Variants in ADCY6 observed in about 807,000 individuals in gnomAD.
ADCY6 encodes the protein adenylate cyclase type 6.
ADCY6 carries 59 observed loss-of-function variants against 111.6 expected under a neutral mutation model. That is an observed-to-expected ratio of 0.53 (90% confidence interval 0.43 to 0.66). The LOEUF (loss-of-function observed/expected upper bound fraction) is 0.66. Ranked by LOEUF, ADCY6 falls within the 30% of genes least tolerant of loss-of-function variation. ADCY6 has a pLI of 0.00. For missense variants in ADCY6, 1,242 were observed against 1,595.6 expected, an observed-to-expected ratio of 0.78 and a Z score of 3.78; for synonymous variants, 576 against 642.9, an observed-to-expected ratio of 0.90 and a Z score of 1.57.
chr12:48,778,395 G>T, intron 2 of ADCY6, 138 bp from the exon 3 acceptor site: 2 of 993,460 alleles, frequency 2.0e-6, no homozygotes, highest in Non-Finnish European at 3.0e-6. Context: ...CCAAGCCACT[G>T]CCACCCCTGC....
chr12:48,783,281 G>A lies in ADCY6; in HGVS notation c.154C>T (p.Pro52Ser), dbSNP rs1941903367. 2 of 1,612,258 alleles carry A rather than the reference G, an allele frequency of 1.2e-6. No homozygotes were observed. The highest frequency in any genetic ancestry group is 1.7e-6 in the Non-Finnish European group (2 of 1,179,520). ...RYMSCLRDAE[P>S]PSPTPAGPPR... Reference sequence around the variant, plus strand: ...GGGCCCGCAGGGGTGGGGCTGGGTGGCTCTGCATCCCGGAGGCAGCTCATA... The same window carrying A: ...GGGCCCGCAGGGGTGGGGCTGGGTGACTCTGCATCCCGGAGGCAGCTCATA... The change falls in exon 2 of 22, where the codon CCA becomes TCA. Residue 52 changes from proline (P) to serine (S), a missense_variant. Physicochemically the swap from Pro to Ser is moderately conservative, Grantham distance 74. Transcript: ENST00000357869.
In ADCY6 at chr12:48,774,071, T is replaced by G; in HGVS notation, c.2311A>C (p.Ser771Arg). 1 of 1,611,102 alleles carries G rather than the reference T, an allele frequency of 6.2e-7. No homozygotes were observed. The highest frequency in any genetic ancestry group is 8.5e-7 in the Non-Finnish European group (1 of 1,178,544). Residue 771 changes from serine (S) to arginine (R), a missense_variant, in exon 15 of 22, where the codon AGC becomes CGC. This residue lies in a region of ADCY6 where 375 missense variants were observed against 432.5 expected (regional missense o/e 0.87). Coordinates refer to ENST00000357869, the MANE Select transcript of ADCY6 (RefSeq NM_015270.5). ...MFTCNHTPIR[S>R]CAARMLNLTP... ...AAATTCAGCATCCGGGCTGCACAGC[T>G]CCGTATGGGGGTGTGGTTACAGGTG... is the stretch of plus-strand genomic sequence containing the variant.
rs1025892881 is a variant in ADCY6, at chr12:48,771,060, C to T, written c.3052-90G>A. On this transcript the variant is annotated intron_variant, in intron 19 of 21. Coordinates refer to ENST00000357869, the MANE Select transcript of ADCY6 (RefSeq NM_015270.5). This position sits in a 1 kb window ranked among gnomAD's most constrained non-coding sequence, Gnocchi z 4.3. The stretch of plus-strand genomic sequence containing the variant: ...TCATTTCTTGCCACGCCTTGGCTGC[C>T]TTCCCCACTTCCCTGTCTCAAGAGC... 2.4e-6 allele frequency: 3 copies of T among 1,258,486 alleles called. No homozygotes were observed. In the African/African-American group the frequency reaches 4.4e-5, roughly 19 times the overall value. The allele number at this position is 1,258,486 out of a possible 1,614,324, so 78.0% of individuals were successfully genotyped here.
In ADCY6 at chr12:48,768,703, A is replaced by G; in HGVS notation, c.3395T>C (p.Leu1132Pro). ...GCCCTTGGCAGCTAGAACCTGGTACAGGTCCGTGGTCACCTGGGGGAGTGG... is the reference window on the plus strand; with the variant it reads ...GCCCTTGGCAGCTAGAACCTGGTACGGGTCCGTGGTCACCTGGGGGAGTGG... Reference protein sequence around the residue: ...VPDRIQVTTDLYQVLAAKGYQ... With the variant: ...VPDRIQVTTDPYQVLAAKGYQ... Residue 1132 changes from leucine (L) to proline (P), a missense_variant, in exon 22 of 22, where the codon CTG becomes CCG. Leu to Pro is a moderately conservative substitution (Grantham distance 98, BLOSUM62 -3). Coordinates refer to ENST00000357869, the MANE Select transcript of ADCY6 (RefSeq NM_015270.5). 6.2e-7 allele frequency: 1 copy of G among 1,614,012 alleles called. No homozygotes were observed. The highest frequency in any genetic ancestry group is 8.5e-7 in the Non-Finnish European group (1 of 1,179,890).
Position 48,777,886 on chromosome 12 carries a change from GC to G in ADCY6, c.1015-151del. 1.5e-6 allele frequency: 2 copies of G among 1,349,732 alleles called. No homozygotes were observed. Among genetic ancestry groups the G allele is most frequent in the Non-Finnish European group, 2.0e-6 (2 of 997,760 alleles). 83.6% of individuals were successfully genotyped at this position (1,349,732 alleles called of 1,614,324 possible). A position where few individuals can be genotyped will look rare whatever the true frequency, so the allele number is the denominator to read the frequency against. ...TGTGGCCTGACCTTCCCCCATCAGA[GC>G]CCCCTCTGACCACCCTCCATTGAGC... On this transcript the variant is annotated intron_variant, in intron 3 of 21. Coordinates refer to ENST00000357869, the MANE Select transcript of ADCY6 (RefSeq NM_015270.5). This position sits in a 1 kb window ranked among gnomAD's most constrained non-coding sequence, Gnocchi z 4.9.
At position 48,766,395 on chromosome 12, in the gene ADCY6, T is replaced by A; in HGVS notation, c.*2196A>T. 1 of 152,594 alleles carries A rather than the reference T, an allele frequency of 6.6e-6. No individual in the cohort carries two copies. Among genetic ancestry groups the A allele is most frequent in the East Asian group, 1.9e-4 (1 of 5,160 alleles). The allele number at this position is 152,594 out of a possible 1,614,324, so 9.5% of individuals were successfully genotyped here. A position where few individuals can be genotyped will look rare whatever the true frequency, so the allele number is the denominator to read the frequency against. On this transcript the variant is annotated 3_prime_UTR_variant, in exon 22 of 22. Transcript: ENST00000357869. ...GGGAAGGGCATGGCTGGCACTGTGG[T>A]ACGGGGATCCAGGGTGTGGACAGGC... is the stretch of plus-strand genomic sequence containing the variant.
At chr12:48,770,430 G>A (rs539090625) in intron 20 of ADCY6, among the ~76,000 whole-genome samples, 2 of 152,178 alleles carry the variant, frequency 1.3e-5, no homozygotes, top group Admixed American at 1.3e-4. Context: ...CACAGATAAG[G>A]ACAGAAGTAT....
In ADCY6 at chr12:48,771,586, T is replaced by C. The variant is rs1050804189; in HGVS notation, c.3051+124A>G. On this transcript the variant is annotated intron_variant, in intron 19 of 21. Transcript: ENST00000357869. The surrounding 1 kb of genome is among the most constrained non-coding windows in gnomAD (Gnocchi z 4.3). ...CCTCTGCCTCCACTGTGCATACCCT[T>C]ACCCCTGATGACTCTGGGTCCCATC... 5.4e-6 allele frequency: 8 copies of C among 1,486,958 alleles called. No homozygotes were observed. Among genetic ancestry groups the C allele is most frequent in the Non-Finnish European group, 7.4e-6 (8 of 1,078,920 alleles). The allele number at this position is 1,486,958 out of a possible 1,614,324, so 92.1% of individuals were successfully genotyped here.
At chr12:48,780,607 A>G (rs1218530028) in intron 2 of ADCY6, among the ~76,000 whole-genome samples, 1 of 152,056 alleles carries the variant, frequency 6.6e-6, no homozygotes, top group Non-Finnish European at 1.5e-5. Flanking sequence ...CCTCCCTGGG[A>G]CTGCACCTCC....
rs764365272 is a variant in ADCY6, at chr12:48,771,868, G to A, written c.2893C>T (p.Arg965Cys). Reference protein sequence around the residue: ...DVAAHFLARERRNDELYYQSC... With the variant: ...DVAAHFLARECRNDELYYQSC... The stretch of plus-strand genomic sequence containing the variant: ...TGATAGTAGAGTTCATCATTGCGGC[G>A]CTCCCGGGCCAGGAAGTGGGCCGCC... Residue 965 changes from arginine to cysteine, a missense_variant, in exon 19 of 22, where the codon CGC (arginine) becomes TGC (cysteine). Arg to Cys is a radical substitution (Grantham distance 180). Around this residue, in one of 4 missense-constraint regions of ADCY6, gnomAD observed 245 missense variants for 371.3 expected, o/e 0.66. Transcript: ENST00000357869. This position sits in a 1 kb window ranked among gnomAD's most constrained non-coding sequence, Gnocchi z 4.3. 4.2e-5 allele frequency: 67 copies of A among 1,614,020 alleles called. No homozygotes were observed. Among genetic ancestry groups the A allele is most frequent in the Admixed American group, 3.7e-4 (22 of 60,000 alleles).
intron 1 of ADCY6, among the ~76,000 whole-genome samples, chr12:48,786,524 G>A (rs552952939): frequency 1.4e-4 from 21 of 152,068 alleles, no homozygotes; most frequent in African/African-American, 4.1e-4. Context: ...CACCACACCC[G>A]GCTAAATTTT....
At position 48,771,669 on chromosome 12, in the gene ADCY6, A is replaced by T. The variant is rs781617475; in HGVS notation, c.3051+41T>A. On this transcript the variant is annotated intron_variant, in intron 19 of 21. Coordinates refer to ENST00000357869, the MANE Select transcript of ADCY6 (RefSeq NM_015270.5). This position sits in a 1 kb window ranked among gnomAD's most constrained non-coding sequence, Gnocchi z 4.3. ...CCATTCCAATCCCTGGTCTCCAAGT[A>T]CCCCCCACTCTCTGCCACCACCAGC... 3.7e-6 allele frequency: 6 copies of T among 1,610,202 alleles called. No homozygotes were observed. The African/African-American group carries it at 8.1e-5, about 22-fold the overall frequency.
chr12:48,774,622 C>T, intron 13 of ADCY6, 69 bp downstream of exon 13: 1 of 1,579,292 alleles, frequency 6.3e-7, no homozygotes, highest in Non-Finnish European at 8.7e-7. Context: ...TCCCTCTCCC[C>T]ATGTGACCTC....
rs1379154123 is a variant in ADCY6, at chr12:48,771,545, C to T, written c.3051+165G>A. 8.6e-7 allele frequency: 1 copy of T among 1,161,026 alleles called. No homozygotes were observed. The highest frequency in any genetic ancestry group is 1.5e-5 in the African/African-American group (1 of 65,842). 71.9% of individuals were successfully genotyped at this position (1,161,026 alleles called of 1,614,324 possible). On this transcript the variant is annotated intron_variant, in intron 19 of 21. Transcript: ENST00000357869. The surrounding 1 kb of genome is among the most constrained non-coding windows in gnomAD (Gnocchi z 4.3). ...GCTGACCCCCTTGCTGCCTCTGACA[C>T]CTTCATGGGTTCTTGCCTCTGCCTC...
rs549950715 is a variant in ADCY6 at position 48,774,330 on chromosome 12, C to T, written c.2283+72G>A. 779 of 1,431,868 alleles carry T rather than the reference C, an allele frequency of 5.4e-4. 8 individuals carry two copies. In the South Asian group the frequency reaches 8.0e-3, roughly 15 times the overall value. 88.7% of individuals were successfully genotyped at this position (1,431,868 alleles called of 1,614,324 possible). Reference sequence around the variant, plus strand: ...AGGGCAGAAAATATGTCCTTTTCTCCGCTGTACTCCCAGTGTCCAGGACAG... The same window carrying T: ...AGGGCAGAAAATATGTCCTTTTCTCTGCTGTACTCCCAGTGTCCAGGACAG... On this transcript the variant is annotated intron_variant, in intron 14 of 21. Coordinates refer to ENST00000357869, the MANE Select transcript of ADCY6 (RefSeq NM_015270.5).
rs780309120 is a variant in ADCY6 at position 48,773,569 on chromosome 12, T to C, written c.2521A>G (p.Met841Val). 6.2e-7 allele frequency: 1 copy of C among 1,614,126 alleles called. No individual in the cohort carries two copies. The highest frequency in any genetic ancestry group is 8.5e-7 in the Non-Finnish European group (1 of 1,180,012). Residue 841 changes from methionine to valine, a missense_variant, in exon 16 of 22, where the codon ATG (methionine) becomes GTG (valine). By Grantham distance (21) the Met-to-Val change is conservative (BLOSUM62 1). Coordinates refer to ENST00000357869, the MANE Select transcript of ADCY6 (RefSeq NM_015270.5). The stretch of plus-strand genomic sequence containing the variant: ...TAGATGAGCCCCAAGACAAAGATCA[T>C]GGCCAACTTCCCGATGCTGCTGATG... ...LHISSIGKLA[M>V]IFVLGLIYLV...
intron 21 of ADCY6, 34 bp downstream of exon 21, chr12:48,768,903 T>G: frequency 6.3e-7 from 1 of 1,588,050 alleles, no homozygotes; most frequent in Non-Finnish European, 8.6e-7. Flanking sequence ...TCCGGGCCCA[T>G]GTTCCTCCCA....
In ADCY6 at chr12:48,777,507, T is replaced by C; in HGVS notation, c.1151A>G (p.Asp384Gly). The C allele has an allele frequency of 6.2e-7, 1 of 1,614,232 alleles. No homozygotes were observed. The highest frequency in any genetic ancestry group is 8.5e-7 in the Non-Finnish European group (1 of 1,180,050). ...KHDNVSILFADIEGFTSLASQ... is the reference protein window; with the variant it reads ...KHDNVSILFAGIEGFTSLASQ... ...TGCCAGGCTGGTGAAGCCCTCAATG[T>C]CTGCAAACAGGATGCTGTAGATGAC... Residue 384 changes from aspartate (D) to glycine (G), a missense_variant, in exon 5 of 22, where the codon GAC becomes GGC. Asp to Gly is a moderately conservative substitution (Grantham distance 94). This residue lies in a region of ADCY6 where 260 missense variants were observed against 414.6 expected (regional missense o/e 0.63). Transcript: ENST00000357869. The surrounding 1 kb of genome is among the most constrained non-coding windows in gnomAD (Gnocchi z 4.9).
At chr12:48,772,672 T>G in intron 16 of ADCY6, 129 bp from the exon 17 acceptor site, 1 of 1,043,052 alleles carries the variant, frequency 9.6e-7, no homozygotes, top group South Asian at 1.5e-5. Context: ...CCAGGGCTTT[T>G]ACTTACATTA....
Sources: gnomAD v4.1 joint callset for allele counts (sites outside exome capture counted in the v4.1 genomes callset) on GRCh38, gnomAD v4.1.1 for gene constraint, gnomAD v4.1.1 regional missense constraint, Gnocchi (gnomAD v3.1) non-coding constraint, MANE v1.5 for transcripts, NCBI Gene and HGNC (gene_info 2026-07-23, HGNC 2026-07-21) for gene names.